TSPEAR: variants seen among roughly 807,000 people sequenced by gnomAD.
TSPEAR encodes the protein thrombospondin type laminin G domain and EAR repeats, also known as thrombospondin-type laminin G domain and EAR repeat-containing protein.
A neutral mutation model predicts 71.6 loss-of-function variants in TSPEAR; 69 were observed. That is an observed-to-expected ratio of 0.96 (90% CI 0.79 to 1.18). The LOEUF is 1.18. Ranked by LOEUF, TSPEAR falls within the 50% of genes most tolerant of loss-of-function variation. The pLI is 0.00. For missense variants in TSPEAR, 971 were observed against 894.9 expected, an observed-to-expected ratio of 1.09 and a Z score of -1.09; for synonymous variants, 402 against 387.2, an observed-to-expected ratio of 1.04 and a Z score of -0.45.
intron 1 of TSPEAR, among the ~76,000 whole-genome samples, chr21:44,596,305 T>G (rs1437361680): frequency 2.0e-5 from 3 of 152,182 alleles, no homozygotes; most frequent in Non-Finnish European, 4.4e-5. Context: ...CCTTATGTAA[T>G]GGGATCATGC....
chr21:44,699,334 T>C (rs906006521), intron 1 of TSPEAR, among the ~76,000 whole-genome samples: 1 of 136,186 alleles, frequency 7.3e-6, no homozygotes, highest in Non-Finnish European at 1.5e-5. Flanking sequence ...GAGATATGAT[T>C]GAGCCACTGC....
At chr21:44,666,958 T>C in intron 1 of TSPEAR, 5 of 1,520,920 alleles carry the variant, frequency 3.3e-6, no homozygotes, top group South Asian at 2.5e-5. Flanking sequence ...GGGCAGCCTT[T>C]ATACCTGGGC....
At chr21:44,681,953 G>A (rs782049265) in intron 1 of TSPEAR, 112 of 1,613,852 alleles carry the variant, frequency 6.9e-5, no homozygotes, top group East Asian at 8.9e-5. Context: ...TGCAGCTCAC[G>A]GGCACGCACA....
intron 1 of TSPEAR, among the ~76,000 whole-genome samples, chr21:44,706,110 G>C (rs1033599296): frequency 2.0e-5 from 3 of 152,140 alleles, no homozygotes; most frequent in Non-Finnish European, 2.9e-5. Context: ...TGCAGATCGA[G>C]GCCTAGTGCG....
chr21:44,707,393 A>AGGGAGGGGCAG (rs1478155462), intron 1 of TSPEAR, among the ~76,000 whole-genome samples: 3 of 151,984 alleles, frequency 2.0e-5, no homozygotes, highest in African/African-American at 7.3e-5. Context: ...TGCGGGGCGC[A>AGGGAGGGGCAG]GGGAGGGGCA....
chr21:44,600,757 T>C lies in TSPEAR; in HGVS notation c.83-32752A>G, dbSNP rs1400267805. Reference sequence around the variant, plus strand: ...CCCAGAGAGCTGCTGCGAGCCCCCCTGCTGCGCCCCGGCCCCCTGCCTGAG... The same window carrying C: ...CCCAGAGAGCTGCTGCGAGCCCCCCCGCTGCGCCCCGGCCCCCTGCCTGAG... On this transcript the variant is annotated intron_variant, in intron 1 of 11. Transcript: ENST00000323084. 5.0e-6 allele frequency: 8 copies of C among 1,604,798 alleles called. 1 individual carries two copies. The highest frequency in any genetic ancestry group is 3.5e-4 in the Middle Eastern group (2 of 5,654).
At chr21:44,664,370 T>C (rs1555944275) in intron 1 of TSPEAR, among the ~76,000 whole-genome samples, 1 of 152,148 alleles carries the variant, frequency 6.6e-6, no homozygotes, top group African/African-American at 2.4e-5. Context: ...GGATAAATTC[T>C]GGGGGAAATA....
At chr21:44,600,654 C>T (rs781946715) in intron 1 of TSPEAR, 40 of 1,613,582 alleles carry the variant, frequency 2.5e-5, no homozygotes, top group Non-Finnish European at 3.1e-5. Flanking sequence ...TCTGCTCCAG[C>T]GACCTGAGCT....
chr21:44,548,753 C>T (rs1601399107), intron 2 of TSPEAR, among the ~76,000 whole-genome samples: 3 of 152,184 alleles, frequency 2.0e-5, no homozygotes, highest in Non-Finnish European at 4.4e-5. Flanking sequence ...TTTCCTCTGA[C>T]GTCGGTATTC....
chr21:44,701,993 T>C (rs1411916287), intron 1 of TSPEAR, among the ~76,000 whole-genome samples: 3 of 152,102 alleles, frequency 2.0e-5, no homozygotes, highest in South Asian at 4.1e-4. Flanking sequence ...ACGTTCTCTG[T>C]CTTCTATCTC....
chr21:44,589,583 A>G (rs75209008), intron 1 of TSPEAR, among the ~76,000 whole-genome samples: 4,908 of 152,288 alleles, frequency 0.032, 276 homozygotes, highest in African/African-American at 0.11. Flanking sequence ...TGCTTTCACT[A>G]GGAGTTGAAG....
chr21:44,617,372 A>G (rs1982171846), intron 1 of TSPEAR, among the ~76,000 whole-genome samples: 1 of 152,246 alleles, frequency 6.6e-6, no homozygotes, highest in Non-Finnish European at 1.5e-5. Flanking sequence ...GATGCAGAAC[A>G]GAGAACAGAC....
chr21:44,671,092 A>G (rs1184534576), intron 1 of TSPEAR, among the ~76,000 whole-genome samples: 3 of 152,036 alleles, frequency 2.0e-5, no homozygotes, highest in African/African-American at 7.3e-5. Flanking sequence ...AACCCATTCT[A>G]CCAATGCCAG....
At position 44,558,351 on chromosome 21, in the gene TSPEAR, G is replaced by A. The variant is rs2053575247; in HGVS notation, c.303+9434C>T. The A allele has an allele frequency of 3.7e-6, 6 of 1,612,784 alleles. No individual in the cohort carries two copies. In the African/African-American group the frequency reaches 5.4e-5, roughly 14 times the overall value. On this transcript the variant is annotated intron_variant, in intron 2 of 11. Transcript: ENST00000323084. ...AGAGCAGACGGGCACACAGCAGATG[G>A]GCTTGCAGCAGACAGGCTTGCAGCA...
intron 1 of TSPEAR, among the ~76,000 whole-genome samples, chr21:44,639,867 G>A (rs1177467045): frequency 6.6e-6 from 1 of 152,236 alleles, no homozygotes; most frequent in African/African-American, 2.4e-5. Flanking sequence ...CGTCCCCAGG[G>A]AGGATACCTC....
rs1453285062 is a variant in TSPEAR, at chr21:44,661,243, G to A, written c.82+50190C>T. 5.2e-5 allele frequency among the ~76,000 whole-genome samples: 7 copies of A among 133,810 alleles called. No homozygotes were observed. The East Asian group carries it at 1.5e-3, about 29-fold the overall frequency. 87.8% of individuals were successfully genotyped at this position (133,810 alleles called of 152,430 possible). ...TGCAGTGAGCCGAGATCGCGCCACT[G>A]CACTCCAGGCTGGGTGACACAGAGT... On this transcript the variant is annotated intron_variant, in intron 1 of 11. Coordinates refer to ENST00000323084, the MANE Select transcript of TSPEAR (RefSeq NM_144991.3).
At chr21:44,581,583 C>A (rs978806264) in intron 1 of TSPEAR, among the ~76,000 whole-genome samples, 7 of 152,052 alleles carry the variant, frequency 4.6e-5, no homozygotes, top group Non-Finnish European at 1.0e-4. Flanking sequence ...TCTTTTTATT[C>A]TTCTTTTGTT....
Position 44,540,050 on chromosome 21 carries a change from A to G in TSPEAR, c.304-6127T>C, listed in dbSNP as rs200714107. On this transcript the variant is annotated intron_variant, in intron 2 of 11. Coordinates refer to ENST00000323084, the MANE Select transcript of TSPEAR (RefSeq NM_144991.3). ...GCAGGGGGCCGGGGCGCAGCAGCTGAGGGCGCAGCAGTGGGGCTCACAGCA... is the reference window on the plus strand; with the variant it reads ...GCAGGGGGCCGGGGCGCAGCAGCTGGGGGCGCAGCAGTGGGGCTCACAGCA... 2.1e-4 allele frequency: 331 copies of G among 1,613,006 alleles called. 1 individual carries two copies. The Middle Eastern group carries it at 3.2e-3, about 16-fold the overall frequency.
intron 1 of TSPEAR, among the ~76,000 whole-genome samples, chr21:44,694,132 G>A (rs1458718746): frequency 6.6e-6 from 1 of 152,224 alleles, no homozygotes; most frequent in Non-Finnish European, 1.5e-5. Flanking sequence ...ATTCAATGGA[G>A]AAGGAATCAT....
Sources: allele counts gnomAD v4.1 joint callset (sites outside exome capture counted in the v4.1 genomes callset), GRCh38; gene constraint gnomAD v4.1.1; transcripts MANE v1.5; gene names NCBI Gene and HGNC (gene_info 2026-07-23, HGNC 2026-07-21).